The following ARHGAP32 variants were observed in gnomAD, a reference collection of about 807,000 sequenced individuals.
The protein encoded by ARHGAP32 is Rho GTPase activating protein 32.
ARHGAP32 carries 51 observed loss-of-function variants against 186.5 expected under a neutral mutation model. The observed-to-expected ratio is 0.27, with a 90% CI of 0.22 to 0.35. The LOEUF is 0.35. Ranked by LOEUF, ARHGAP32 falls within the 10% of genes least tolerant of loss-of-function variation. ARHGAP32 has a pLI of 1.00. For synonymous variants in ARHGAP32, 950 were observed against 964.3 expected (o/e 0.99, Z 0.27); for missense variants, 2,186 against 2,623.5 (o/e 0.83, Z 3.64).
intron 1 of ARHGAP32, among the ~76,000 whole-genome samples, chr11:129,255,102 T>A (rs1031807588): frequency 6.6e-6 from 1 of 152,086 alleles, no homozygotes; most frequent in East Asian, 1.9e-4. Flanking sequence ...TAAGGAAGAA[T>A]AAAGCTGGAT....
chr11:129,176,854 C>A (rs1943927598), intron 1 of ARHGAP32, among the ~76,000 whole-genome samples: 1 of 152,094 alleles, frequency 6.6e-6, no homozygotes, highest in South Asian at 2.1e-4. Context: ...AACATCGACA[C>A]CCTAACATCA....
chr11:129,183,105 A>G (rs2439791), intron 1 of ARHGAP32, among the ~76,000 whole-genome samples: 99,483 of 151,972 alleles, frequency 0.65, 32,903 homozygotes, highest in Non-Finnish European at 0.71. Flanking sequence ...CATCTCCATT[A>G]GCTTTTGAGA....
At chr11:129,186,797 T>C (rs1251573362) in intron 1 of ARHGAP32, among the ~76,000 whole-genome samples, 1 of 151,926 alleles carries the variant, frequency 6.6e-6, no homozygotes, top group Non-Finnish European at 1.5e-5. Context: ...GAAATGCAAA[T>C]CAAAACTACA....
intron 11 of ARHGAP32, among the ~76,000 whole-genome samples, chr11:129,013,294 C>T (rs1025058838): frequency 6.6e-6 from 1 of 152,174 alleles, no homozygotes; most frequent in Non-Finnish European, 1.5e-5. Context: ...TTTGCATTGT[C>T]ACCTTTCCAC....
intron 11 of ARHGAP32, among the ~76,000 whole-genome samples, chr11:129,006,717 T>C (rs681408): frequency 6.6e-6 from 1 of 152,098 alleles, no homozygotes; most frequent in East Asian, 1.9e-4. Flanking sequence ...AAGCCCACTG[T>C]AACTGCTACC....
intron 7 of ARHGAP32, among the ~76,000 whole-genome samples, chr11:129,065,452 T>C (rs1449176619): frequency 6.6e-6 from 1 of 152,114 alleles, no homozygotes; most frequent in Non-Finnish European, 1.5e-5. Context: ...ACACAGATTC[T>C]AGCTCAGTCT....
intron 12 of ARHGAP32, among the ~76,000 whole-genome samples, chr11:128,990,360 C>T (rs1490134807): frequency 2.6e-5 from 4 of 152,132 alleles, no homozygotes; most frequent in South Asian, 4.1e-4. Context: ...AACCATGCAT[C>T]GTCCATCTTT....
chr11:129,271,148 C>T (rs533351182), intron 1 of ARHGAP32, among the ~76,000 whole-genome samples: 1 of 152,080 alleles, frequency 6.6e-6, no homozygotes, highest in Non-Finnish European at 1.5e-5. Context: ...ATCTGATTAA[C>T]GTTTAACATT....
chr11:129,136,256 G>C (rs116962463), intron 2 of ARHGAP32, among the ~76,000 whole-genome samples: 2 of 152,132 alleles, frequency 1.3e-5, no homozygotes, highest in African/African-American at 2.4e-5. Flanking sequence ...TAAGGCCCAC[G>C]TAAGATTCTA....
At chr11:129,035,622 C>A (rs997017179) in intron 11 of ARHGAP32, among the ~76,000 whole-genome samples, 2 of 152,108 alleles carry the variant, frequency 1.3e-5, no homozygotes, top group South Asian at 4.2e-4. Flanking sequence ...CCAAGGCAGG[C>A]GGATCACTTG....
At chr11:129,259,864 C>T (rs978103431) in intron 1 of ARHGAP32, among the ~76,000 whole-genome samples, 1 of 152,100 alleles carries the variant, frequency 6.6e-6, no homozygotes, top group Non-Finnish European at 1.5e-5. Context: ...TCCAATTAAG[C>T]TTTTTGTTTG....
upstream of ARHGAP32, among the ~76,000 whole-genome samples, chr11:129,193,687 T>A (rs1326613714): frequency 2.9e-5 from 1 of 34,650 alleles, no homozygotes; most frequent in Non-Finnish European, 5.5e-5. Context: ...ATATAATATA[T>A]ATTATATAAT....
intron 10 of ARHGAP32, among the ~76,000 whole-genome samples, chr11:129,044,979 T>C (rs958276160): frequency 3.3e-5 from 5 of 152,170 alleles, no homozygotes; most frequent in African/African-American, 1.2e-4. Flanking sequence ...CATACATTAG[T>C]TACATTTTCA....
chr11:129,204,474 T>C (rs975665378), intron 1 of ARHGAP32, among the ~76,000 whole-genome samples: 7 of 152,166 alleles, frequency 4.6e-5, no homozygotes, highest in Non-Finnish European at 1.0e-4. Flanking sequence ...AAGCTCAAGG[T>C]ATTGCACACA....
At chr11:129,247,478 T>C (rs1473249650) in intron 1 of ARHGAP32, among the ~76,000 whole-genome samples, 1 of 152,226 alleles carries the variant, frequency 6.6e-6, no homozygotes, top group Non-Finnish European at 1.5e-5. Flanking sequence ...ACAACTATTC[T>C]GACAATACTT....
At chr11:128,996,824 C>T (rs1278421248) in intron 12 of ARHGAP32, among the ~76,000 whole-genome samples, 1 of 152,082 alleles carries the variant, frequency 6.6e-6, no homozygotes, top group Admixed American at 6.6e-5. Flanking sequence ...CTCCGTCGCC[C>T]AGGCTGGAGT....
intron 10 of ARHGAP32, among the ~76,000 whole-genome samples, chr11:129,042,910 T>A (rs1939653933): frequency 6.6e-6 from 1 of 152,126 alleles, no homozygotes; most frequent in East Asian, 1.9e-4. Context: ...GCCGAGGAGA[T>A]GGGAGGTGCC....
intron 12 of ARHGAP32, among the ~76,000 whole-genome samples, chr11:128,990,249 A>G (rs1358617923): frequency 6.6e-6 from 1 of 152,188 alleles, no homozygotes; most frequent in Admixed American, 6.6e-5. Flanking sequence ...GAGGTGGCTG[A>G]GCACTGTGTT....
intron 5 of ARHGAP32, among the ~76,000 whole-genome samples, chr11:129,100,093 T>G (rs1222237853): frequency 3.3e-5 from 5 of 152,146 alleles, no homozygotes; most frequent in Admixed American, 1.3e-4. Context: ...CAGGGAGAGC[T>G]TCTTAGAGAA....
Sources: allele counts gnomAD v4.1 joint callset (sites outside exome capture counted in the v4.1 genomes callset), GRCh38; gene constraint gnomAD v4.1.1; transcripts MANE v1.5; gene names NCBI Gene and HGNC (gene_info 2026-07-23, HGNC 2026-07-21).